EIF4E1B: variants seen among roughly 807,000 people sequenced by gnomAD.
The protein encoded by EIF4E1B is eukaryotic translation initiation factor 4E type 1B.
A neutral mutation model predicts 31.3 loss-of-function variants in EIF4E1B; 22 were observed. That is an observed-to-expected ratio of 0.70 (90% CI 0.50 to 1.00). The LOEUF is 1.00. Ranked by LOEUF, EIF4E1B falls within the 50% of genes least tolerant of loss-of-function variation. The pLI, the probability that EIF4E1B is intolerant of heterozygous loss-of-function variation, is 0.00. For missense variants in EIF4E1B, 290 were observed against 311.6 expected, an observed-to-expected ratio of 0.93 and a Z score of 0.52; for synonymous variants, 126 against 120.2, an observed-to-expected ratio of 1.05 and a Z score of -0.31.
chr5:176,645,545 G>A lies in EIF4E1B; in HGVS notation c.614+29G>A, dbSNP rs1760681553. The A allele has an allele frequency of 6.7e-7, 1 of 1,503,724 alleles. No individual in the cohort carries two copies. 93.1% of individuals were successfully genotyped at this position (1,503,724 alleles called of 1,614,324 possible). A position where few individuals can be genotyped will look rare whatever the true frequency, so the allele number is the denominator to read the frequency against. On this transcript the variant is annotated intron_variant, in intron 8 of 8. Coordinates refer to ENST00000318682, the MANE Select transcript of EIF4E1B (RefSeq NM_001099408.2). The surrounding 1 kb of genome is among the most constrained non-coding windows in gnomAD (Gnocchi z 5.4). ...AGGAGGGTCTCTGGCACAGGGTGGG[G>A]ACTTGGGTCTCTGCTAGAGGGAAGG... is the stretch of plus-strand genomic sequence containing the variant.
chr5:176,642,643 A>T lies in EIF4E1B; in HGVS notation c.-78-67A>T, dbSNP rs1014801102. 2.5e-5 allele frequency: 34 copies of T among 1,337,276 alleles called. No homozygotes were observed. In the East Asian group the frequency reaches 7.7e-4, roughly 30 times the overall value. 82.8% of individuals were successfully genotyped at this position (1,337,276 alleles called of 1,614,324 possible). A position where few individuals can be genotyped will look rare whatever the true frequency, so the allele number is the denominator to read the frequency against. ...GCCGTCCACCTCACATTCTGGGGTC[A>T]CCCTCCACGGGATGCAGACCTTGCT... On this transcript the variant is annotated intron_variant, in intron 2 of 8. Coordinates refer to ENST00000318682, the MANE Select transcript of EIF4E1B (RefSeq NM_001099408.2).
intron 4 of EIF4E1B, 54 bp from the exon 5 acceptor site, chr5:176,643,585 G>T: frequency 6.5e-7 from 1 of 1,533,066 alleles, no homozygotes; most frequent in Non-Finnish European, 8.9e-7. Context: ...AGGTGCCCCG[G>T]GGGTGGACTT....
intron 3 of EIF4E1B, 63 bp downstream of exon 3, chr5:176,642,865 C>CCGCCCCCCCCCCG: frequency 8.5e-7 from 1 of 1,169,744 alleles, no homozygotes; most frequent in Non-Finnish European, 1.1e-6. Flanking sequence ...CCCCCCCCCC[C>CCGCCCCCCCCCCG]GCCCCAGGTG....
At chr5:176,640,813 G>A (rs534401463) in intron 1 of EIF4E1B, among the ~76,000 whole-genome samples, 8 of 152,256 alleles carry the variant, frequency 5.3e-5, no homozygotes, top group South Asian at 4.1e-4. Flanking sequence ...CTGTCTTCTC[G>A]TCCTCTGGTA....
rs1471940834 is a variant in EIF4E1B at position 176,645,796 on chromosome 5, C to T, written c.615-70C>T. On this transcript the variant is annotated intron_variant, in intron 8 of 8. Coordinates refer to ENST00000318682, the MANE Select transcript of EIF4E1B (RefSeq NM_001099408.2). This position sits in a 1 kb window ranked among gnomAD's most constrained non-coding sequence, Gnocchi z 5.4. ...CAGAATGAGGGTAGGAGTCTGGTGGCCTAAGTTATCTCTAGGACCCTCTGA... is the reference window on the plus strand; with the variant it reads ...CAGAATGAGGGTAGGAGTCTGGTGGTCTAAGTTATCTCTAGGACCCTCTGA... 3 of 1,371,474 alleles carry T rather than the reference C, an allele frequency of 2.2e-6. No homozygotes were observed. The highest frequency in any genetic ancestry group is 3.0e-6 in the Non-Finnish European group (3 of 1,013,738). 85.0% of individuals were successfully genotyped at this position (1,371,474 alleles called of 1,614,324 possible). A position where few individuals can be genotyped will look rare whatever the true frequency, so the allele number is the denominator to read the frequency against.
In EIF4E1B at chr5:176,645,340, C is replaced by A; in HGVS notation, c.475-37C>A. On this transcript the variant is annotated intron_variant, in intron 7 of 8. Transcript: ENST00000318682. This position sits in a 1 kb window ranked among gnomAD's most constrained non-coding sequence, Gnocchi z 5.4. ...GGATGGCAGGCCAGTCCCTATGTCC[C>A]AGCCGGTGATCTCACAACCCCCTAC... The A allele has an allele frequency of 6.5e-7, 1 of 1,546,592 alleles. No individual in the cohort carries two copies. Among genetic ancestry groups the A allele is most frequent in the Non-Finnish European group, 8.7e-7 (1 of 1,142,954 alleles).
chr5:176,637,479 A>G (rs1446805605), intron 1 of EIF4E1B, among the ~76,000 whole-genome samples: 1 of 152,160 alleles, frequency 6.6e-6, no homozygotes, highest in Non-Finnish European at 1.5e-5. Context: ...AAGGCAAGTG[A>G]TGAGTAAAAT....
At position 176,635,825 on chromosome 5, in the gene EIF4E1B, C is replaced by CTT. The variant is rs369971875; in HGVS notation, c.-202+4769_-202+4770dup. On this transcript the variant is annotated intron_variant, in intron 1 of 8. Coordinates refer to ENST00000318682, the MANE Select transcript of EIF4E1B (RefSeq NM_001099408.2). ...GTCTGTCTTTTTCTTTCTTTCTTTC[C>CTT]TTTTTTTTTGAGACGGAGTCTAGCT... is the stretch of plus-strand genomic sequence containing the variant. Among the ~76,000 whole-genome samples the CTT allele has an allele frequency of 6.7e-3, 1,019 of 151,150 alleles. 8 individuals carry two copies. Among genetic ancestry groups the CTT allele is most frequent in the African/African-American group, 0.023 (957 of 41,162 alleles).
intron 1 of EIF4E1B, among the ~76,000 whole-genome samples, chr5:176,636,661 G>C (rs953660563): frequency 6.6e-6 from 1 of 152,212 alleles, no homozygotes; most frequent in African/African-American, 2.4e-5. Context: ...CAGGCAGGAC[G>C]GGAAGCTGAG....
At chr5:176,634,095 T>G (rs1260670195) in intron 1 of EIF4E1B, among the ~76,000 whole-genome samples, 1 of 148,180 alleles carries the variant, frequency 6.7e-6, no homozygotes, top group African/African-American at 2.5e-5. Flanking sequence ...GTTTGGACAA[T>G]GGGGTGAGTG....
At chr5:176,643,902 C>T in intron 5 of EIF4E1B, 168 bp downstream of exon 5, 1 of 661,622 alleles carries the variant, frequency 1.5e-6, no homozygotes, top group African/African-American at 1.8e-5. Flanking sequence ...ACCCCACCAC[C>T]TTCTTTGGGC....
In EIF4E1B at chr5:176,632,169, T is replaced by C. The variant is rs193022462; in HGVS notation, c.-202+1105T>C. Among the ~76,000 whole-genome samples, 435 of 152,350 alleles carry C rather than the reference T, an allele frequency of 2.9e-3. 3 individuals are homozygous for C. The highest frequency in any genetic ancestry group is 3.2e-3 in the Non-Finnish European group (215 of 68,034). Reference sequence around the variant, plus strand: ...CAAATATATATTATATACTAACATATACATACTTATCACATACTATATACA... The same window carrying C: ...CAAATATATATTATATACTAACATACACATACTTATCACATACTATATACA... On this transcript the variant is annotated intron_variant, in intron 1 of 8. Transcript: ENST00000318682.
chr5:176,642,865 C>CACCCG (rs56115420), intron 3 of EIF4E1B, 63 bp downstream of exon 3: 15 of 1,173,074 alleles, frequency 1.3e-5, no homozygotes, highest in South Asian at 3.7e-5. Flanking sequence ...CCCCCCCCCC[C>CACCCG]GCCCCAGGTG....
intron 3 of EIF4E1B, 43 bp downstream of exon 3, chr5:176,642,845 G>A (rs760232166): frequency 2.9e-5 from 39 of 1,337,108 alleles, no homozygotes; most frequent in South Asian, 1.9e-4. Flanking sequence ...CCATGGCCCC[G>A]CCCTCTCCCC....
At chr5:176,642,870 C>CCCCCCCCGGGGGGGGGGGGGGG in intron 3 of EIF4E1B, 68 bp downstream of exon 3, 1 of 1,426,050 alleles carries the variant, frequency 7.0e-7, no homozygotes. Context: ...CCCCCCGCCC[C>CCCCCCCCGGGGGGGGGGGGGGG]AGGTGGGCGG....
Position 176,644,473 on chromosome 5 carries a change from G to C in EIF4E1B, c.360+34G>C, listed in dbSNP as rs1039034391. On this transcript the variant is annotated intron_variant, in intron 6 of 8. Coordinates refer to ENST00000318682, the MANE Select transcript of EIF4E1B (RefSeq NM_001099408.2). ...TGCTCTCCTCTTTCCCTCCCGCAAA[G>C]GGACAAGGGGTTGATCCCTCCCGGA... 1.9e-6 allele frequency: 3 copies of C among 1,574,974 alleles called. No individual in the cohort carries two copies. In the African/African-American group the frequency reaches 4.1e-5, roughly 21 times the overall value.
intron 1 of EIF4E1B, among the ~76,000 whole-genome samples, chr5:176,641,232 G>A (rs1760570134): frequency 1.3e-5 from 2 of 152,214 alleles, no homozygotes; most frequent in African/African-American, 2.4e-5. Context: ...GGGAGGCTGA[G>A]GTGGGGGAAT....
At chr5:176,633,448 G>A (rs573610241) in intron 1 of EIF4E1B, among the ~76,000 whole-genome samples, 66 of 152,140 alleles carry the variant, frequency 4.3e-4, no homozygotes, top group African/African-American at 1.2e-3. Flanking sequence ...TTTATTTTTC[G>A]TAGAGACAGG....
chr5:176,636,799 G>A (rs1191327971), intron 1 of EIF4E1B, among the ~76,000 whole-genome samples: 1 of 152,198 alleles, frequency 6.6e-6, no homozygotes, highest in Non-Finnish European at 1.5e-5. Context: ...TACAGATAAG[G>A]GAATTGATAC....
Sources: allele counts gnomAD v4.1 joint callset (sites outside exome capture counted in the v4.1 genomes callset), GRCh38; gene constraint gnomAD v4.1.1; non-coding constraint Gnocchi (gnomAD v3.1); transcripts MANE v1.5; gene names NCBI Gene and HGNC (gene_info 2026-07-23, HGNC 2026-07-21).